Variants in DHDDS observed in about 807,000 individuals in gnomAD.
DHDDS encodes dehydrodolichyl diphosphate synthase complex subunit DHDDS.
DHDDS carries 16 observed loss-of-function variants against 46.2 expected under a neutral mutation model. The observed-to-expected ratio is 0.35, with a 90% confidence interval of 0.23 to 0.53. The LOEUF is 0.53. Ranked by LOEUF, DHDDS falls within the 20% of genes least tolerant of loss-of-function variation. The pLI, the probability that DHDDS is intolerant of heterozygous loss-of-function variation, is 0.94. For missense variants in DHDDS, 340 were observed against 423.7 expected, an observed-to-expected ratio of 0.80 and a Z score of 1.73; for synonymous variants, 151 against 163.1, an observed-to-expected ratio of 0.93 and a Z score of 0.56.
chr1:26,433,002 C>G lies in DHDDS; in HGVS notation c.57C>G (p.Ile19Met), dbSNP rs981419090. 1.2e-6 allele frequency: 2 copies of G among 1,614,188 alleles called. No homozygotes were observed. Among genetic ancestry groups the G allele is most frequent in the South Asian group, 1.1e-5 (1 of 91,086 alleles). The change falls in exon 2 of 9, where the codon ATC becomes ATG. Residue 19 changes from isoleucine to methionine, a missense_variant. Ile to Met is a conservative substitution (Grantham distance 10, BLOSUM62 1). Around this residue, in one of 2 missense-constraint regions of DHDDS, gnomAD observed 72 missense variants for 123.5 expected, o/e 0.58. Coordinates refer to ENST00000236342, the MANE Select transcript of DHDDS (RefSeq NM_205861.3). ...LSLWERFCAN[I>M]IKAGPMPKHI... ...TTTGGGAGCGGTTCTGTGCCAACAT[C>G]ATAAAGGTGAGCAATGGCCCAGAGC...
intron 3 of DHDDS, among the ~76,000 whole-genome samples, chr1:26,440,832 C>G (rs2075210868): frequency 6.6e-6 from 1 of 152,090 alleles, no homozygotes; most frequent in African/African-American, 2.4e-5. Context: ...TAACCTCCCG[C>G]TCTCCATCTC....
At chr1:26,454,668 T>C (rs2075354295) in intron 6 of DHDDS, 1 of 1,507,808 alleles carries the variant, frequency 6.6e-7, no homozygotes, top group Non-Finnish European at 9.1e-7. Flanking sequence ...TTTCTTCAGT[T>C]TCTTTGGGAT....
At chr1:26,465,316 C>T (rs1428288833) in intron 8 of DHDDS, among the ~76,000 whole-genome samples, 1 of 152,194 alleles carries the variant, frequency 6.6e-6, no homozygotes, top group Non-Finnish European at 1.5e-5. Context: ...CAGGTTGTCA[C>T]TATCTTCTCC....
chr1:26,438,117 T>C, intron 2 of DHDDS, 51 bp from the exon 3 acceptor site: 2 of 1,590,146 alleles, frequency 1.3e-6, no homozygotes, highest in Non-Finnish European at 1.7e-6. Context: ...TGTCTTCCTT[T>C]ATCCCTGAAG....
chr1:26,465,869 C>A (rs1241424548), intron 8 of DHDDS, among the ~76,000 whole-genome samples: 1 of 152,194 alleles, frequency 6.6e-6, no homozygotes, highest in Non-Finnish European at 1.5e-5. Flanking sequence ...CTCAGAAATG[C>A]ATTCCTCATG....
At chr1:26,457,760 G>C (rs1462587880) in intron 6 of DHDDS, 31 bp from the exon 7 acceptor site, 1 of 1,489,432 alleles carries the variant, frequency 6.7e-7, no homozygotes, top group Non-Finnish European at 9.4e-7. Context: ...CAGGATGTGT[G>C]CCTCTCTTTG....
At chr1:26,451,775 C>T (rs1229105169) in intron 6 of DHDDS, among the ~76,000 whole-genome samples, 1 of 151,986 alleles carries the variant, frequency 6.6e-6, no homozygotes, top group African/African-American at 2.4e-5. Context: ...ACTACAGGCG[C>T]CTGCCACCCC....
In DHDDS at chr1:26,454,790, T is replaced by C. The variant is rs1310114867; in HGVS notation, c.543-3001T>C. 7 of 1,582,026 alleles carry C rather than the reference T, an allele frequency of 4.4e-6. No individual in the cohort carries two copies. In the East Asian group the frequency reaches 1.6e-4, roughly 35 times the overall value. ...GCTCATGGATGGGTTAATCCAACCA[T>C]GAGCTCTGTAGGTCCAGCGGCACAT... On this transcript the variant is annotated intron_variant, in intron 6 of 8. Coordinates refer to ENST00000236342, the MANE Select transcript of DHDDS (RefSeq NM_205861.3).
intron 8 of DHDDS, among the ~76,000 whole-genome samples, chr1:26,463,992 C>CTTTTTTT (rs60149042): frequency 6.4e-5 from 6 of 93,760 alleles, no homozygotes; most frequent in South Asian, 3.8e-4. Context: ...TATTTGCAAA[C>CTTTTTTT]TTTTTTTTTT....
intron 6 of DHDDS, chr1:26,454,802 G>A: frequency 6.3e-7 from 1 of 1,579,446 alleles, no homozygotes; most frequent in Non-Finnish European, 8.6e-7. Flanking sequence ...AGCTCTGTAG[G>A]TCCAGCGGCA....
chr1:26,458,136 C>T lies in DHDDS; in HGVS notation c.657+231C>T, dbSNP rs571892236. 3.9e-5 allele frequency among the ~76,000 whole-genome samples: 6 copies of T among 152,324 alleles called. No homozygotes were observed. The South Asian group carries it at 8.3e-4, about 21-fold the overall frequency. The stretch of plus-strand genomic sequence containing the variant: ...AACTATAGTGAAAACTTCATTGTGC[C>T]GCTTTTCAAGGAATGGGACTTCTGT... On this transcript the variant is annotated intron_variant, in intron 7 of 8. Coordinates refer to ENST00000236342, the MANE Select transcript of DHDDS (RefSeq NM_205861.3).
chr1:26,455,296 A>G, intron 6 of DHDDS: 1 of 540,640 alleles, frequency 1.8e-6, no homozygotes, highest in South Asian at 2.1e-5. Flanking sequence ...AACTTGGAGA[A>G]TTAAGACCAT....
intron 2 of DHDDS, among the ~76,000 whole-genome samples, chr1:26,436,848 C>T (rs2075162855): frequency 6.6e-6 from 1 of 152,074 alleles, no homozygotes; most frequent in African/African-American, 2.4e-5. Flanking sequence ...AGATGGACAT[C>T]AGTTTGAATC....
At chr1:26,432,756 A>G in intron 1 of DHDDS, 135 bp from the exon 2 acceptor site, 1 of 625,306 alleles carries the variant, frequency 1.6e-6, no homozygotes, top group South Asian at 1.9e-5. Context: ...TGGGTGGTAA[A>G]AGATTATAGG....
chr1:26,455,045 A>C (rs2075357941), intron 6 of DHDDS: 1 of 1,140,404 alleles, frequency 8.8e-7, no homozygotes, highest in South Asian at 1.2e-5. Flanking sequence ...GACATCTTTC[A>C]GGTACTTCAT....
At chr1:26,455,731 G>A (rs533510732) in intron 6 of DHDDS, among the ~76,000 whole-genome samples, 77 of 152,010 alleles carry the variant, frequency 5.1e-4, no homozygotes, top group Non-Finnish European at 9.7e-4. Context: ...GGGTGACAGC[G>A]CAAGACTCCA....
At chr1:26,442,540 A>C (rs1414446054) in intron 3 of DHDDS, among the ~76,000 whole-genome samples, 191 bp from the exon 4 acceptor site, 1 of 152,180 alleles carries the variant, frequency 6.6e-6, no homozygotes, top group African/African-American at 2.4e-5. Flanking sequence ...CAGTTTCTTC[A>C]ATGGTGGTTT....
At chr1:26,455,231 C>A (rs943786663) in intron 6 of DHDDS, 3 of 666,828 alleles carry the variant, frequency 4.5e-6, no homozygotes, top group Non-Finnish European at 5.4e-6. Flanking sequence ...AGCAAATGGG[C>A]CCATTTTAAA....
Position 26,438,178 on chromosome 1 carries a change from T to G in DHDDS, c.74T>G (p.Met25Arg), listed in dbSNP as rs751817404. Residue 25 changes from methionine to arginine, a missense_variant, in exon 3 of 9, where the codon ATG becomes AGG. By Grantham distance (91) the Met-to-Arg change is moderately conservative. Coordinates refer to ENST00000236342, the MANE Select transcript of DHDDS (RefSeq NM_205861.3). ...CTTCCTATTCCACAGGCAGGCCCAATGCCGAAACACATTGCATTCATAATG... is the reference window on the plus strand; with the variant it reads ...CTTCCTATTCCACAGGCAGGCCCAAGGCCGAAACACATTGCATTCATAATG... The part of the protein sequence containing the change: ...FCANIIKAGP[M>R]PKHIAFIMDG... The G allele has an allele frequency of 2.2e-5, 36 of 1,613,756 alleles. No homozygotes were observed. The highest frequency in any genetic ancestry group is 2.8e-5 in the Non-Finnish European group (33 of 1,179,834).
Sources: allele counts gnomAD v4.1 joint callset (sites outside exome capture counted in the v4.1 genomes callset), GRCh38; gene constraint gnomAD v4.1.1; regional missense constraint gnomAD v4.1.1; transcripts MANE v1.5; gene names NCBI Gene and HGNC (gene_info 2026-07-23, HGNC 2026-07-21).